Variants in NELL2 observed in about 807,000 individuals in gnomAD.
The protein encoded by NELL2 is neural EGFL like 2, also known as protein kinase C-binding protein NELL2.
A neutral mutation model predicts 109.6 loss-of-function variants in NELL2; 41 were observed. The observed-to-expected ratio is 0.37, with a 90% CI of 0.29 to 0.49. NELL2 has a LOEUF of 0.49. Among genes scored for constraint, NELL2 ranks in the 20% least tolerant of loss-of-function variants. NELL2 has a pLI of 0.98. For synonymous variants in NELL2, 355 were observed against 344.7 expected (o/e 1.03, Z -0.33); for missense variants, 900 against 1,008.3 (o/e 0.89, Z 1.45).
chr12:44,752,165 C>G (rs1332442590), intron 9 of NELL2, among the ~76,000 whole-genome samples: 1 of 152,180 alleles, frequency 6.6e-6, no homozygotes, highest in Admixed American at 6.5e-5. Context: ...ACTGGCTACT[C>G]TTGAATTGAT....
intron 1 of NELL2, among the ~76,000 whole-genome samples, chr12:44,902,450 T>A (rs1945671496): frequency 6.6e-6 from 1 of 152,216 alleles, no homozygotes; most frequent in South Asian, 2.1e-4. Context: ...ATAGGAAGAA[T>A]TAATATCGTG....
At chr12:44,722,202 G>C (rs1394667780) in intron 9 of NELL2, among the ~76,000 whole-genome samples, 1 of 151,816 alleles carries the variant, frequency 6.6e-6, no homozygotes, top group Non-Finnish European at 1.5e-5. Context: ...TTGCAACAGG[G>C]TCTCACTTTG....
chr12:44,855,454 T>C (rs1248033664), intron 2 of NELL2, among the ~76,000 whole-genome samples: 1 of 152,202 alleles, frequency 6.6e-6, no homozygotes, highest in Non-Finnish European at 1.5e-5. Context: ...TCCAAAATCT[T>C]AGAGAAATTG....
intron 15 of NELL2, among the ~76,000 whole-genome samples, chr12:44,538,520 T>TTCTGTGAACAATCTGTGAACAA (rs1267434929): frequency 2.6e-5 from 4 of 152,204 alleles, no homozygotes; most frequent in Non-Finnish European, 4.4e-5. Flanking sequence ...TGTCTTTTTT[T>TTCTGTGAACAATCTGTGAACAA]TCTGTGAACA....
chr12:44,687,611 C>A (rs1270583361), intron 12 of NELL2, among the ~76,000 whole-genome samples: 4 of 152,132 alleles, frequency 2.6e-5, no homozygotes, highest in Non-Finnish European at 5.9e-5. Flanking sequence ...GAAGAGAAAG[C>A]AAAAGGAATG....
intron 13 of NELL2, among the ~76,000 whole-genome samples, chr12:44,636,805 G>C (rs1256837122): frequency 1.3e-5 from 2 of 152,134 alleles, no homozygotes; most frequent in South Asian, 4.1e-4. Flanking sequence ...CATAAAATGA[G>C]TTAGGGAGGA....
At chr12:44,531,710 G>A (rs1942068855) in intron 16 of NELL2, among the ~76,000 whole-genome samples, 1 of 152,206 alleles carries the variant, frequency 6.6e-6, no homozygotes, top group Non-Finnish European at 1.5e-5. Context: ...GTATCTTTAG[G>A]TTAGATTGTC....
At chr12:44,914,034 T>C, upstream of NELL2, 1 of 256,808 alleles carries the variant, frequency 3.9e-6, no homozygotes. Context: ...AATCTGGCAG[T>C]TACCATCTCC....
At chr12:44,796,225 G>A (rs114259055) in intron 3 of NELL2, among the ~76,000 whole-genome samples, 2,198 of 152,160 alleles carry the variant, frequency 0.014, 51 homozygotes, top group African/African-American at 0.05. Flanking sequence ...CATTTCCTAT[G>A]ATACAATTAT....
chr12:44,875,919 A>C lies in NELL2; in HGVS notation c.-50T>G. The C allele has an allele frequency of 1.2e-6, 2 of 1,612,316 alleles. No individual in the cohort carries two copies. Among genetic ancestry groups the C allele is most frequent in the Non-Finnish European group, 1.7e-6 (2 of 1,179,962 alleles). On this transcript the variant is annotated 5_prime_UTR_variant, in exon 1 of 20. Transcript: ENST00000429094. ...TCTCCCTCTTTAAAAATAAAAATAA[A>C]AATCGAAGAGGTTCTTGGAATCAAG... is the stretch of plus-strand genomic sequence containing the variant.
chr12:44,882,720 G>A (rs1945428736), intron 1 of NELL2, among the ~76,000 whole-genome samples: 1 of 151,124 alleles, frequency 6.6e-6, no homozygotes, highest in Admixed American at 6.6e-5. Flanking sequence ...TAGAGACAGG[G>A]TTTCACCATG....
chr12:44,829,006 C>G (rs1014075419), intron 2 of NELL2, among the ~76,000 whole-genome samples: 4 of 152,086 alleles, frequency 2.6e-5, no homozygotes, highest in South Asian at 2.1e-4. Context: ...CAGATTAATA[C>G]TTTTGGCTAG....
chr12:44,783,178 T>A (rs1020848474), intron 3 of NELL2, among the ~76,000 whole-genome samples: 1 of 151,294 alleles, frequency 6.6e-6, no homozygotes, highest in Non-Finnish European at 1.5e-5. Flanking sequence ...TAAAAATACA[T>A]AAAATAAATT....
chr12:44,699,522 C>G (rs1051828063), intron 12 of NELL2, among the ~76,000 whole-genome samples: 1 of 152,036 alleles, frequency 6.6e-6, no homozygotes, highest in African/African-American at 2.4e-5. Context: ...AGAAGAATCC[C>G]TTCTTTAGCT....
chr12:44,560,007 C>T (rs567280984), intron 15 of NELL2, among the ~76,000 whole-genome samples: 2 of 152,236 alleles, frequency 1.3e-5, no homozygotes, highest in African/African-American at 4.8e-5. Context: ...TACATTAGAA[C>T]TCAGGATTAA....
At chr12:44,825,317 C>G (rs879296401) in intron 2 of NELL2, among the ~76,000 whole-genome samples, 24 of 148,186 alleles carry the variant, frequency 1.6e-4, no homozygotes, top group African/African-American at 6.0e-4. Context: ...TTGTAGAGGT[C>G]TTTCACCTCC....
intron 3 of NELL2, chr12:44,815,759 C>G: frequency 2.7e-6 from 1 of 373,336 alleles, no homozygotes; most frequent in Non-Finnish European, 4.7e-6. Flanking sequence ...GCTGGGACTA[C>G]AGGCGCGCGC....
intron 12 of NELL2, among the ~76,000 whole-genome samples, chr12:44,690,141 G>A (rs77271390): frequency 6.6e-6 from 1 of 152,096 alleles, no homozygotes; most frequent in East Asian, 1.9e-4. Context: ...CAATATTAAG[G>A]TTGTGTCCAG....
intron 15 of NELL2, among the ~76,000 whole-genome samples, chr12:44,573,559 T>C (rs1943952269): frequency 6.6e-6 from 1 of 152,102 alleles, no homozygotes; most frequent in Admixed American, 6.6e-5. Flanking sequence ...AGGCAATAAA[T>C]TTGAAGACCA....
Sources: gnomAD v4.1 joint callset for allele counts (sites outside exome capture counted in the v4.1 genomes callset) on GRCh38, gnomAD v4.1.1 for gene constraint, MANE v1.5 for transcripts, NCBI Gene and HGNC (gene_info 2026-07-23, HGNC 2026-07-21) for gene names.